The following SPAG16 variants were observed in gnomAD, a reference collection of about 807,000 sequenced individuals.
SPAG16 encodes sperm associated antigen 16.
A neutral mutation model predicts 80.4 loss-of-function variants in SPAG16; 86 were observed. That is an observed-to-expected ratio of 1.07 (90% CI 0.90 to 1.28). The LOEUF is 1.28. Ranked by LOEUF, SPAG16 falls within the 50% of genes most tolerant of loss-of-function variation. The pLI is 0.00. For missense variants in SPAG16, 870 were observed against 765.3 expected, an observed-to-expected ratio of 1.14 and a Z score of -1.61; for synonymous variants, 294 against 265.9, an observed-to-expected ratio of 1.11 and a Z score of -1.03.
chr2:214,355,823 C>G (rs958173632), intron 15 of SPAG16, among the ~76,000 whole-genome samples: 1 of 151,428 alleles, frequency 6.6e-6, no homozygotes, highest in African/African-American at 2.4e-5. Context: ...CACATATACA[C>G]CATGGAATAC....
At chr2:213,722,247 A>C (rs1016144726) in intron 10 of SPAG16, among the ~76,000 whole-genome samples, 1 of 152,242 alleles carries the variant, frequency 6.6e-6, no homozygotes, top group Non-Finnish European at 1.5e-5. Flanking sequence ...ACAGGTGGAT[A>C]GAGTGTAGAA....
chr2:214,166,258 C>T (rs1276043000), intron 15 of SPAG16, among the ~76,000 whole-genome samples: 3 of 152,134 alleles, frequency 2.0e-5, no homozygotes, highest in Non-Finnish European at 4.4e-5. Context: ...GGCCCCATTC[C>T]TCCACTCATC....
intron 10 of SPAG16, among the ~76,000 whole-genome samples, chr2:213,506,033 T>G (rs1284448216): frequency 6.6e-6 from 1 of 151,994 alleles, no homozygotes; most frequent in Non-Finnish European, 1.5e-5. Flanking sequence ...ATTTATGAGA[T>G]TTTTGTACTT....
At chr2:214,193,430 A>T (rs879334170) in intron 15 of SPAG16, among the ~76,000 whole-genome samples, 7,219 of 84,816 alleles carry the variant, frequency 0.085, 193 homozygotes, top group Non-Finnish European at 0.14. Context: ...TGTGTATGAG[A>T]GAGAGAGAGA....
At chr2:213,811,582 A>G (rs930497646) in intron 10 of SPAG16, among the ~76,000 whole-genome samples, 5 of 152,054 alleles carry the variant, frequency 3.3e-5, no homozygotes, top group Non-Finnish European at 5.9e-5. Flanking sequence ...ACCCCTGTAC[A>G]TTTCACTGCC....
intron 10 of SPAG16, among the ~76,000 whole-genome samples, chr2:213,805,409 C>T (rs556657742): frequency 3.9e-5 from 6 of 152,142 alleles, no homozygotes; most frequent in Admixed American, 6.5e-5. Context: ...AATATGTGGG[C>T]GGTGAAAACA....
intron 11 of SPAG16, among the ~76,000 whole-genome samples, chr2:213,884,102 C>T (rs2076460636): frequency 1.3e-5 from 2 of 152,080 alleles, no homozygotes; most frequent in Non-Finnish European, 2.9e-5. Context: ...TTCCTAGTGC[C>T]TATGGGCTAT....
intron 15 of SPAG16, among the ~76,000 whole-genome samples, chr2:214,253,478 G>C (rs894729113): frequency 4.6e-5 from 7 of 152,026 alleles, no homozygotes; most frequent in Non-Finnish European, 4.4e-5. Flanking sequence ...GTTAATTTTT[G>C]TATAAGGTGT....
Position 213,961,944 on chromosome 2 carries a change from C to T in SPAG16, c.1400+31799C>T, listed in dbSNP as rs574267074. ...TCCTCTTGTATTTTTTGGAAAGTTTCTGAAGTATTGATATTAATTCTTCTT... is the reference window on the plus strand; with the variant it reads ...TCCTCTTGTATTTTTTGGAAAGTTTTTGAAGTATTGATATTAATTCTTCTT... On this transcript the variant is annotated intron_variant, in intron 12 of 15. Coordinates refer to ENST00000331683, the MANE Select transcript of SPAG16 (RefSeq NM_024532.5). Among the ~76,000 whole-genome samples the T allele has an allele frequency of 7.9e-5, 12 of 152,066 alleles. No homozygotes were observed. The East Asian group carries it at 1.2e-3, about 15-fold the overall frequency.
intron 10 of SPAG16, among the ~76,000 whole-genome samples, chr2:213,553,138 A>G (rs2076836481): frequency 1.3e-5 from 2 of 152,160 alleles, no homozygotes; most frequent in Non-Finnish European, 2.9e-5. Context: ...ATATACATCT[A>G]TGCTATTAGT....
chr2:213,694,490 G>T (rs544017773), intron 10 of SPAG16, among the ~76,000 whole-genome samples: 2 of 152,180 alleles, frequency 1.3e-5, no homozygotes, highest in South Asian at 4.2e-4. Context: ...AGTATACGTG[G>T]AAATGTGGTA....
intron 15 of SPAG16, among the ~76,000 whole-genome samples, chr2:214,278,426 C>T (rs899691069): frequency 1.8e-4 from 27 of 152,136 alleles, no homozygotes; most frequent in African/African-American, 6.0e-4. Context: ...CAGACCATAG[C>T]TGTTCCTATG....
chr2:214,301,028 T>TATAATAATA (rs71037363), intron 15 of SPAG16, among the ~76,000 whole-genome samples: 43 of 141,842 alleles, frequency 3.0e-4, no homozygotes, highest in Non-Finnish European at 3.8e-4. Flanking sequence ...AAACTTAAAG[T>TATAATAATA]ATAATAATAA....
intron 10 of SPAG16, among the ~76,000 whole-genome samples, chr2:213,550,991 A>G (rs1219719707): frequency 6.6e-6 from 1 of 152,130 alleles, no homozygotes; most frequent in Non-Finnish European, 1.5e-5. Flanking sequence ...TATTACTATA[A>G]TTGAGAGATA....
chr2:213,767,295 C>T (rs565725368), intron 10 of SPAG16, among the ~76,000 whole-genome samples: 54 of 152,082 alleles, frequency 3.6e-4, no homozygotes, highest in Non-Finnish European at 5.3e-4. Context: ...ACCCATACCA[C>T]GCAGTAGGGT....
intron 10 of SPAG16, among the ~76,000 whole-genome samples, chr2:213,699,118 A>G (rs749583170): frequency 6.6e-6 from 1 of 152,080 alleles, no homozygotes; most frequent in Non-Finnish European, 1.5e-5. Context: ...TTCACAGCCC[A>G]CCATTGCCAC....
chr2:213,976,605 T>G (rs2045422730), intron 12 of SPAG16, among the ~76,000 whole-genome samples: 1 of 152,084 alleles, frequency 6.6e-6, no homozygotes, highest in African/African-American at 2.4e-5. Flanking sequence ...AATTTTCTTC[T>G]GCTGGAGTCA....
intron 10 of SPAG16, among the ~76,000 whole-genome samples, chr2:213,508,850 T>C (rs1343972533): frequency 2.0e-5 from 3 of 151,928 alleles, no homozygotes; most frequent in African/African-American, 7.2e-5. Context: ...CGCACCAACA[T>C]GGCACATGTA....
chr2:213,896,148 C>T (rs1304635626), intron 11 of SPAG16, among the ~76,000 whole-genome samples: 3 of 151,820 alleles, frequency 2.0e-5, no homozygotes, highest in Admixed American at 6.6e-5. Flanking sequence ...CCTGAATAGA[C>T]GTTTATCAAA....
Sources: gnomAD v4.1 joint callset for allele counts (sites outside exome capture counted in the v4.1 genomes callset) on GRCh38, gnomAD v4.1.1 for gene constraint, MANE v1.5 for transcripts, NCBI Gene and HGNC (gene_info 2026-07-23, HGNC 2026-07-21) for gene names.